The following SMURF1 variants were observed in gnomAD, a reference collection of about 807,000 sequenced individuals.
The protein encoded by SMURF1 is E3 ubiquitin-protein ligase SMURF1.
Under a neutral mutation model 98.0 loss-of-function variants are expected in SMURF1, and 44 were observed. The observed-to-expected ratio is 0.45, with a 90% CI of 0.35 to 0.58. The LOEUF (loss-of-function observed/expected upper bound fraction) is 0.58, where lower values mean the gene tolerates loss of function less well. SMURF1 is among the 20% of genes least tolerant of loss of function. The pLI, the probability that SMURF1 is intolerant of heterozygous loss-of-function variation, is 0.00. For missense variants in SMURF1, 687 were observed against 938.4 expected, an observed-to-expected ratio of 0.73 and a Z score of 3.50; for synonymous variants, 396 against 374.9, an observed-to-expected ratio of 1.06 and a Z score of -0.65.
chr7:99,030,762 G>T, intron 17 of SMURF1, 79 bp from the exon 18 acceptor site: 5 of 1,035,506 alleles, frequency 4.8e-6, no homozygotes, highest in Non-Finnish European at 5.9e-6. Context: ...CAGGCAGTGA[G>T]AAGTATATGT....
chr7:99,059,909 C>CAA (rs34628446), intron 3 of SMURF1, among the ~76,000 whole-genome samples: 7,795 of 137,916 alleles, frequency 0.057, 342 homozygotes, highest in East Asian at 0.22. Context: ...GACTCCATCT[C>CAA]AAAAAAAAAA....
At chr7:99,139,407 C>T (rs943529596) in intron 1 of SMURF1, among the ~76,000 whole-genome samples, 1 of 152,184 alleles carries the variant, frequency 6.6e-6, no homozygotes, top group African/African-American at 2.4e-5. Context: ...ACCAGGATAT[C>T]TGAGAGTATT....
chr7:99,117,732 A>G (rs1266232507), intron 1 of SMURF1, among the ~76,000 whole-genome samples: 2 of 152,158 alleles, frequency 1.3e-5, no homozygotes, highest in African/African-American at 4.8e-5. Context: ...TAAAAAGATA[A>G]CCCATAAAAT....
intron 13 of SMURF1, 60 bp downstream of exon 13, chr7:99,040,318 C>A: frequency 7.1e-7 from 1 of 1,404,330 alleles, no homozygotes; most frequent in African/African-American, 1.5e-5. Flanking sequence ...CACGCGCATA[C>A]ATACGATAGA....
At chr7:99,054,198 A>G (rs1382452843) in intron 6 of SMURF1, among the ~76,000 whole-genome samples, 4 of 152,098 alleles carry the variant, frequency 2.6e-5, no homozygotes, top group African/African-American at 4.8e-5. Flanking sequence ...TGGCCTCCCA[A>G]AGTGCTGGGA....
At chr7:99,066,778 CAAAAAGAAAAAAAAAA>C (rs1333180904) in intron 1 of SMURF1, among the ~76,000 whole-genome samples, 1 of 115,304 alleles carries the variant, frequency 8.7e-6, no homozygotes, top group Non-Finnish European at 1.8e-5. Flanking sequence ...GACTCTGTCT[CAAAAAGAAAAAAAAAA>C]AAAAAGAAAA....
At chr7:99,064,589 G>T (rs1796141295) in intron 1 of SMURF1, among the ~76,000 whole-genome samples, 1 of 152,092 alleles carries the variant, frequency 6.6e-6, no homozygotes, top group South Asian at 2.1e-4. Context: ...AGCCTTAGTA[G>T]TTTGTGTCTT....
intron 1 of SMURF1, chr7:99,120,805 G>A (rs528324662): frequency 1.1e-4 from 17 of 149,384 alleles, no homozygotes; most frequent in Middle Eastern, 6.8e-3. Context: ...AGTGGGAAAG[G>A]GAGAAAAAAA....
At chr7:99,103,912 A>G (rs1214379703) in intron 1 of SMURF1, among the ~76,000 whole-genome samples, 1 of 142,768 alleles carries the variant, frequency 7.0e-6, no homozygotes, top group Admixed American at 7.2e-5. Flanking sequence ...TTTTTTTTTG[A>G]GATGGAGTCT....
At chr7:99,119,037 T>C (rs1797530988) in intron 1 of SMURF1, among the ~76,000 whole-genome samples, 1 of 97,334 alleles carries the variant, frequency 1.0e-5, no homozygotes, top group Non-Finnish European at 2.0e-5. Flanking sequence ...TTTTTTTTTT[T>C]TTTTTTTAGA....
chr7:99,077,308 ACTT>A (rs1053514873), intron 1 of SMURF1, among the ~76,000 whole-genome samples: 3 of 151,132 alleles, frequency 2.0e-5, no homozygotes, highest in African/African-American at 7.3e-5. Context: ...TTCTTAATCC[ACTT>A]CTTTTTTTTT....
At chr7:99,043,143 C>G (rs1795449195) in intron 11 of SMURF1, among the ~76,000 whole-genome samples, 1 of 152,128 alleles carries the variant, frequency 6.6e-6, no homozygotes, top group African/African-American at 2.4e-5. Context: ...GATTAAAATA[C>G]AAGCAAACAT....
chr7:99,113,580 C>A (rs1410490289), intron 1 of SMURF1, among the ~76,000 whole-genome samples: 1 of 152,058 alleles, frequency 6.6e-6, no homozygotes, highest in East Asian at 1.9e-4. Context: ...GTGGCTCACA[C>A]CTGTAATCCC....
At chr7:99,119,518 T>C (rs552385403) in intron 1 of SMURF1, among the ~76,000 whole-genome samples, 1 of 152,180 alleles carries the variant, frequency 6.6e-6, no homozygotes, top group South Asian at 2.1e-4. Context: ...GTGACAGATA[T>C]TGGAGTAATT....
At chr7:99,076,008 G>C (rs1343079600) in intron 1 of SMURF1, among the ~76,000 whole-genome samples, 1 of 152,236 alleles carries the variant, frequency 6.6e-6, no homozygotes, top group Non-Finnish European at 1.5e-5. Context: ...TCAGGAAATA[G>C]AGCATGGCCA....
chr7:99,129,321 G>A (rs1232294815), intron 1 of SMURF1, among the ~76,000 whole-genome samples: 1 of 152,184 alleles, frequency 6.6e-6, no homozygotes, highest in Admixed American at 6.5e-5. Context: ...TTATGTACCA[G>A]ACAGTGCATG....
chr7:99,035,142 C>T (rs1157555008), intron 16 of SMURF1, among the ~76,000 whole-genome samples: 1 of 152,240 alleles, frequency 6.6e-6, no homozygotes, highest in East Asian at 1.9e-4. Context: ...CAGCTCCAAG[C>T]TTTGGAGCCA....
At position 99,105,428 on chromosome 7, in the gene SMURF1, C is replaced by T. The variant is rs567003416; in HGVS notation, c.55+38298G>A. On this transcript the variant is annotated intron_variant, in intron 1 of 17. Coordinates refer to ENST00000361368, the MANE Select transcript of SMURF1 (RefSeq NM_181349.3). ...AACACAAACACTAAAACAACAACCA[C>T]TACTACTAATTACTAACAATTACAC... 4.6e-5 allele frequency among the ~76,000 whole-genome samples: 7 copies of T among 152,302 alleles called. No individual in the cohort carries two copies. In the South Asian group the frequency reaches 1.0e-3, roughly 23 times the overall value.
chr7:99,047,886 G>A lies in SMURF1; in HGVS notation c.954-4C>T. 1.2e-5 allele frequency: 20 copies of A among 1,613,164 alleles called. No individual in the cohort carries two copies. The highest frequency in any genetic ancestry group is 1.7e-5 in the Non-Finnish European group (20 of 1,179,988). ...CTCCTTGAGTTGGCACTGGTGACTT[G>A]AGAAGAAGAGATGCAGAAAGTCACT... On this transcript the variant is annotated splice_polypyrimidine_tract_variant and splice_region_variant and intron_variant, in intron 9 of 17. Transcript: ENST00000361368.
Sources: gnomAD v4.1 joint callset for allele counts (sites outside exome capture counted in the v4.1 genomes callset) on GRCh38, gnomAD v4.1.1 for gene constraint, MANE v1.5 for transcripts, NCBI Gene and HGNC (gene_info 2026-07-23, HGNC 2026-07-21) for gene names.